Variants in AP1S3 observed in about 807,000 individuals in gnomAD.
AP1S3 encodes the protein AP-1 complex subunit sigma-3.
In AP1S3, 10 loss-of-function variants were observed where a neutral mutation model predicts 20.9. That is an observed-to-expected ratio of 0.48 (90% confidence interval 0.29 to 0.81). The LOEUF is 0.81. Among genes scored for constraint, AP1S3 ranks in the 30% least tolerant of loss-of-function variants. The pLI, the probability that AP1S3 is intolerant of heterozygous loss-of-function variation, is 0.08. For missense variants in AP1S3, 154 were observed against 183.8 expected, an observed-to-expected ratio of 0.84 and a Z score of 0.94; for synonymous variants, 41 against 61.5, an observed-to-expected ratio of 0.67 and a Z score of 1.56.
chr2:223,832,089 AT>A (rs1313913182), intron 1 of AP1S3, among the ~76,000 whole-genome samples: 903 of 43,008 alleles, frequency 0.021, 53 homozygotes, highest in African/African-American at 0.064. Flanking sequence ...AAAAAAAAAA[AT>A]CAAAAAAAGG....
intron 1 of AP1S3, among the ~76,000 whole-genome samples, chr2:223,807,874 T>C (rs950270111): frequency 1.6e-5 from 2 of 124,788 alleles, no homozygotes; most frequent in African/African-American, 3.1e-5. Context: ...TTTCTTTTTT[T>C]TTTTTTTTTT....
intron 1 of AP1S3, among the ~76,000 whole-genome samples, chr2:223,784,291 C>A (rs577538977): frequency 6.6e-6 from 1 of 152,114 alleles, no homozygotes; most frequent in Non-Finnish European, 1.5e-5. Flanking sequence ...CCACCATGCC[C>A]CCATATTCCC....
intron 1 of AP1S3, among the ~76,000 whole-genome samples, chr2:223,831,869 G>A (rs1003084231): frequency 6.6e-6 from 1 of 152,172 alleles, no homozygotes; most frequent in Non-Finnish European, 1.5e-5. Context: ...GAGGTCAGGA[G>A]ATCAAGACCA....
intron 1 of AP1S3, among the ~76,000 whole-genome samples, chr2:223,792,352 G>A (rs1344506440): frequency 6.6e-6 from 1 of 151,974 alleles, no homozygotes; most frequent in South Asian, 2.1e-4. Context: ...GTTGACCATG[G>A]AACAGAATAG....
chr2:223,837,392 C>A (rs1384808795), intron 1 of AP1S3, 56 bp downstream of exon 1: 3 of 1,118,556 alleles, frequency 2.7e-6, no homozygotes, highest in Admixed American at 8.6e-5. Flanking sequence ...CAGGTGCCTC[C>A]CCGGAGCGCG....
At chr2:223,837,117 A>G (rs2106048505) in intron 1 of AP1S3, among the ~76,000 whole-genome samples, 1 of 152,104 alleles carries the variant, frequency 6.6e-6, no homozygotes, top group South Asian at 2.1e-4. Flanking sequence ...AGCTTCCTGG[A>G]GAACAGGGGC....
At chr2:223,789,917 G>A (rs1201467194) in intron 1 of AP1S3, among the ~76,000 whole-genome samples, 2 of 150,828 alleles carry the variant, frequency 1.3e-5, no homozygotes, top group Admixed American at 6.6e-5. Context: ...AGATAATGGA[G>A]AGGAAGAAAA....
chr2:223,825,625 A>G (rs1469292113), intron 1 of AP1S3, among the ~76,000 whole-genome samples: 4 of 152,216 alleles, frequency 2.6e-5, no homozygotes, highest in Non-Finnish European at 4.4e-5. Flanking sequence ...TGCATGTAAA[A>G]AATTTTGCCC....
chr2:223,762,413 C>T (rs1462906766), intron 4 of AP1S3, among the ~76,000 whole-genome samples: 4 of 151,748 alleles, frequency 2.6e-5, no homozygotes, highest in South Asian at 2.1e-4. Flanking sequence ...GCTGGGGTTA[C>T]AGATGTGTAC....
At chr2:223,774,715 T>C (rs1287136433) in intron 3 of AP1S3, among the ~76,000 whole-genome samples, 1 of 152,152 alleles carries the variant, frequency 6.6e-6, no homozygotes, top group Non-Finnish European at 1.5e-5. Context: ...CCAATTTGAA[T>C]AGACAGAGGC....
At chr2:223,803,950 G>A (rs75735194) in intron 1 of AP1S3, among the ~76,000 whole-genome samples, 1,742 of 151,976 alleles carry the variant, frequency 0.011, 13 homozygotes, top group Non-Finnish European at 0.015. Flanking sequence ...CAATTTTCCT[G>A]ACCTTTGAAA....
intron 3 of AP1S3, among the ~76,000 whole-genome samples, chr2:223,774,907 A>T (rs541273942): frequency 5.3e-5 from 8 of 150,272 alleles, no homozygotes; most frequent in African/African-American, 2.0e-4. Flanking sequence ...TCACTTAGTA[A>T]GGGATTTCCA....
rs1018494998 is a variant in AP1S3, at chr2:223,765,107, C to A, written c.429+106G>T. The A allele has an allele frequency of 1.2e-5, 17 of 1,464,858 alleles. No individual in the cohort carries two copies. In the African/African-American group the frequency reaches 2.3e-4, roughly 20 times the overall value. The allele number at this position is 1,464,858 out of a possible 1,614,324, so 90.7% of individuals were successfully genotyped here. ...CATATAAATAGTTTAGAAACTGTAC[C>A]CAGCACAGAGTAAGTACTCAGTAAG... On this transcript the variant is annotated intron_variant, in intron 4 of 4. Transcript: ENST00000396654.
At chr2:223,826,829 T>C (rs988269996) in intron 1 of AP1S3, among the ~76,000 whole-genome samples, 3 of 152,058 alleles carry the variant, frequency 2.0e-5, no homozygotes, top group Non-Finnish European at 4.4e-5. Context: ...AATTTTGAGA[T>C]GCTTTTTTTG....
intron 4 of AP1S3, among the ~76,000 whole-genome samples, chr2:223,759,453 C>CTA (rs1278344967): frequency 6.6e-6 from 1 of 152,072 alleles, no homozygotes; most frequent in Admixed American, 6.6e-5. Flanking sequence ...GTATCGTTAC[C>CTA]TATATTGTGC....
chr2:223,762,066 G>A (rs1321010385), intron 4 of AP1S3, among the ~76,000 whole-genome samples: 2 of 151,670 alleles, frequency 1.3e-5, no homozygotes, highest in Non-Finnish European at 2.9e-5. Context: ...TCCGCCCCCT[G>A]GGTTCAAGCG....
intron 1 of AP1S3, among the ~76,000 whole-genome samples, chr2:223,793,949 T>C (rs1433131716): frequency 6.6e-6 from 1 of 152,126 alleles, no homozygotes; most frequent in Non-Finnish European, 1.5e-5. Flanking sequence ...CAGCCTACAA[T>C]TTTTAAAGAG....
At chr2:223,805,586 G>A (rs1691561270) in intron 1 of AP1S3, among the ~76,000 whole-genome samples, 1 of 152,062 alleles carries the variant, frequency 6.6e-6, no homozygotes, top group South Asian at 2.1e-4. Context: ...CATCCACCAG[G>A]TACTTTATAT....
At chr2:223,790,696 G>A (rs1031470727) in intron 1 of AP1S3, among the ~76,000 whole-genome samples, 7 of 152,112 alleles carry the variant, frequency 4.6e-5, no homozygotes, top group African/African-American at 1.7e-4. Context: ...ACACACATAT[G>A]TTATAAAGTG....
Sources: gnomAD v4.1 joint callset for allele counts (sites outside exome capture counted in the v4.1 genomes callset) on GRCh38, gnomAD v4.1.1 for gene constraint, MANE v1.5 for transcripts, NCBI Gene and HGNC (gene_info 2026-07-23, HGNC 2026-07-21) for gene names.